CNTN3: variants seen among roughly 807,000 people sequenced by gnomAD.
The protein encoded by CNTN3 is contactin 3.
In CNTN3, 60 loss-of-function variants were observed where a neutral mutation model predicts 119.1. The ratio of observed to expected loss-of-function variants is 0.50; its 90% CI spans 0.41 to 0.62. The LOEUF (loss-of-function observed/expected upper bound fraction) is 0.62. Ranked by LOEUF, CNTN3 falls within the 20% of genes least tolerant of loss-of-function variation. The pLI is 0.00. For synonymous variants in CNTN3, 450 were observed against 438.7 expected, an observed-to-expected ratio of 1.03 and a Z score of -0.32; for missense variants, 1,101 against 1,242.4, an observed-to-expected ratio of 0.89 and a Z score of 1.71.
intron 4 of CNTN3, among the ~76,000 whole-genome samples, chr3:74,431,182 T>C (rs1575718470): frequency 6.6e-6 from 1 of 152,208 alleles, no homozygotes; most frequent in African/African-American, 2.4e-5. Flanking sequence ...GCACTTCAGG[T>C]TGATCTTCCC....
intron 4 of CNTN3, among the ~76,000 whole-genome samples, chr3:74,471,446 T>A (rs533708823): frequency 6.8e-4 from 104 of 152,344 alleles, no homozygotes; most frequent in African/African-American, 2.4e-3. Flanking sequence ...TTAAAAATCA[T>A]GAACTCTATA....
chr3:74,487,117 C>T (rs1702873608), intron 3 of CNTN3, among the ~76,000 whole-genome samples: 1 of 152,150 alleles, frequency 6.6e-6, no homozygotes, highest in African/African-American at 2.4e-5. Context: ...GTCCCCGAGG[C>T]ATTCTCCACT....
chr3:74,408,867 G>A (rs1439753812), intron 5 of CNTN3, among the ~76,000 whole-genome samples: 1 of 152,122 alleles, frequency 6.6e-6, no homozygotes, highest in African/African-American at 2.4e-5. Context: ...ACTGGAGGTT[G>A]TTTCCCCAAA....
rs1279536866 is a variant in CNTN3, at chr3:74,263,212, A to G, written c.*1189T>C. 6.6e-6 allele frequency: 1 copy of G among 152,140 alleles called. No homozygotes were observed. The highest frequency in any genetic ancestry group is 1.5e-5 in the Non-Finnish European group (1 of 68,002). 9.4% of individuals were successfully genotyped at this position (152,140 alleles called of 1,614,324 possible). A position where few individuals can be genotyped will look rare whatever the true frequency, so the allele number is the denominator to read the frequency against. On this transcript the variant is annotated 3_prime_UTR_variant, in exon 23 of 23. Coordinates refer to ENST00000263665, the MANE Select transcript of CNTN3 (RefSeq NM_020872.3). ...TCTTCAACAATTTTTTGAAAACCAC[A>G]TATTGAAAGACTGAGTCATACATAT...
Position 74,427,055 on chromosome 3 carries a change from C to A in CNTN3, c.359-2115G>T, listed in dbSNP as rs80080670. ...AATGTCTCCTCCAAAGGTAAAATCT[C>A]TTTTGCCTAAGCACAAATATAGCTG... On this transcript the variant is annotated intron_variant, in intron 4 of 22. Coordinates refer to ENST00000263665, the MANE Select transcript of CNTN3 (RefSeq NM_020872.3). Among the ~76,000 whole-genome samples, 483 of 152,272 alleles carry A rather than the reference C, an allele frequency of 3.2e-3. 2 individuals are homozygous for A. The highest frequency in any genetic ancestry group is 6.0e-3 in the Non-Finnish European group (409 of 68,016).
chr3:74,582,377 G>A (rs1463923058), intron 1 of CNTN3, among the ~76,000 whole-genome samples: 1 of 149,172 alleles, frequency 6.7e-6, no homozygotes, highest in Non-Finnish European at 1.5e-5. Context: ...CTGCACTCCA[G>A]CCCGGGCGAC....
intron 11 of CNTN3, among the ~76,000 whole-genome samples, chr3:74,361,158 T>C (rs1176588571): frequency 5.3e-5 from 8 of 152,060 alleles, no homozygotes; most frequent in Admixed American, 5.2e-4. Context: ...TTATAATAGA[T>C]AAGCAGCAGT....
chr3:74,340,404 T>G (rs1703505519), intron 11 of CNTN3, among the ~76,000 whole-genome samples: 1 of 151,774 alleles, frequency 6.6e-6, no homozygotes, highest in South Asian at 2.1e-4. Context: ...CTGAAGATAA[T>G]GGGATGGAAA....
At chr3:74,481,681 CAAGTT>C (rs1490687493) in intron 4 of CNTN3, among the ~76,000 whole-genome samples, 6 of 151,414 alleles carry the variant, frequency 4.0e-5, no homozygotes, top group African/African-American at 1.5e-4. Flanking sequence ...GTTAACCATA[CAAGTT>C]AAGTAATTTG....
At chr3:74,522,224 A>G (rs1156845225) in intron 1 of CNTN3, among the ~76,000 whole-genome samples, 1 of 151,962 alleles carries the variant, frequency 6.6e-6, no homozygotes, top group Non-Finnish European at 1.5e-5. Flanking sequence ...CATCATTCCT[A>G]TAATAATATT....
chr3:74,368,453 G>T (rs915194381), intron 8 of CNTN3, among the ~76,000 whole-genome samples: 6 of 151,844 alleles, frequency 4.0e-5, no homozygotes, highest in Admixed American at 2.0e-4. Context: ...TCACTGAGCT[G>T]AATATATACG....
chr3:74,278,156 G>C (rs1279921060), intron 20 of CNTN3, among the ~76,000 whole-genome samples: 1 of 151,948 alleles, frequency 6.6e-6, no homozygotes, highest in Non-Finnish European at 1.5e-5. Context: ...CTCACGGATG[G>C]GTAGAATTAA....
In CNTN3 at chr3:74,576,658, G is replaced by A. The variant is rs59512273; in HGVS notation, c.-81+37733C>T. On this transcript the variant is annotated intron_variant, in intron 1 of 22. Transcript: ENST00000263665. ...TTAAATTTTTTCTATTATTTGGAAA[G>A]TTTTCTGTATTGTTCAGATTGTAAT... Among the ~76,000 whole-genome samples the A allele has an allele frequency of 9.4e-3, 1,431 of 151,950 alleles. 23 individuals carry two copies. Among genetic ancestry groups the A allele is most frequent in the African/African-American group, 0.033 (1,361 of 41,472 alleles).
chr3:74,536,127 TATTAC>T (rs1250679396), intron 1 of CNTN3, among the ~76,000 whole-genome samples: 1 of 152,032 alleles, frequency 6.6e-6, no homozygotes, highest in Non-Finnish European at 1.5e-5. Context: ...TGTAAGAAGG[TATTAC>T]ATTTTATTTA....
intron 13 of CNTN3, among the ~76,000 whole-genome samples, chr3:74,326,793 C>A: frequency 6.6e-6 from 1 of 151,974 alleles, no homozygotes; most frequent in East Asian, 1.9e-4. Flanking sequence ...TCATAGTCAC[C>A]TTTTATTTGT....
chr3:74,384,540 A>C (rs901809473), intron 5 of CNTN3, among the ~76,000 whole-genome samples: 4 of 152,348 alleles, frequency 2.6e-5, no homozygotes, highest in African/African-American at 9.6e-5. Flanking sequence ...ATTGAACTTT[A>C]TTTCTTCAAC....
In CNTN3 at chr3:74,289,305, T is replaced by C. The variant is rs78120954; in HGVS notation, c.2518-3814A>G. 1.2e-4 allele frequency among the ~76,000 whole-genome samples: 18 copies of C among 152,354 alleles called. No homozygotes were observed. The East Asian group carries it at 3.5e-3, about 29-fold the overall frequency. ...CATTTGGGGAAGAAATGTTTAATCG[T>C]TGTTTCCTTTCAATACTGTATTCAT... On this transcript the variant is annotated intron_variant, in intron 19 of 22. Coordinates refer to ENST00000263665, the MANE Select transcript of CNTN3 (RefSeq NM_020872.3).
chr3:74,580,530 C>T (rs1288678206), intron 1 of CNTN3, among the ~76,000 whole-genome samples: 1 of 152,118 alleles, frequency 6.6e-6, no homozygotes, highest in East Asian at 1.9e-4. Context: ...AAATCAAACA[C>T]ATTCGTATAT....
intron 5 of CNTN3, among the ~76,000 whole-genome samples, chr3:74,380,022 C>T (rs964134281): frequency 6.6e-6 from 1 of 152,204 alleles, no homozygotes; most frequent in Non-Finnish European, 1.5e-5. Flanking sequence ...CAGCTTGTAC[C>T]TGGACTTTCT....
Sources: allele counts gnomAD v4.1 joint callset (sites outside exome capture counted in the v4.1 genomes callset), GRCh38; gene constraint gnomAD v4.1.1; transcripts MANE v1.5; gene names NCBI Gene and HGNC (gene_info 2026-07-23, HGNC 2026-07-21).